The following CFAP299 variants were observed in gnomAD, a reference collection of about 807,000 sequenced individuals.
CFAP299 encodes the protein cilia- and flagella-associated protein 299.
In CFAP299, 21 loss-of-function variants were observed where a neutral mutation model predicts 27.0. The ratio of observed to expected loss-of-function variants is 0.78; its 90% CI spans 0.55 to 1.12. The LOEUF (loss-of-function observed/expected upper bound fraction) is 1.12. Ranked by LOEUF, CFAP299 falls within the 50% of genes most tolerant of loss-of-function variation. The pLI is 0.00. For synonymous variants in CFAP299, 104 were observed against 98.1 expected, an observed-to-expected ratio of 1.06 and a Z score of -0.36; for missense variants, 310 against 276.6, an observed-to-expected ratio of 1.12 and a Z score of -0.86.
chr4:80,961,652 A>T (rs1201900660), intron 5 of CFAP299, among the ~76,000 whole-genome samples: 1 of 151,900 alleles, frequency 6.6e-6, no homozygotes, highest in Non-Finnish European at 1.5e-5. Context: ...GCATCTAGAC[A>T]CACAGACACA....
At chr4:80,955,577 A>C (rs1738025883) in intron 5 of CFAP299, among the ~76,000 whole-genome samples, 1 of 152,240 alleles carries the variant, frequency 6.6e-6, no homozygotes, top group Non-Finnish European at 1.5e-5. Flanking sequence ...GCAATGGTTA[A>C]ATAAATTATG....
rs574358963 is a variant in CFAP299 at position 80,596,720 on chromosome 4, C to T, written c.333+13537C>T. 9.9e-5 allele frequency among the ~76,000 whole-genome samples: 15 copies of T among 152,158 alleles called. No homozygotes were observed. In the South Asian group the frequency reaches 3.1e-3, roughly 32 times the overall value. On this transcript the variant is annotated intron_variant, in intron 3 of 5. Coordinates refer to ENST00000358105, the MANE Select transcript of CFAP299 (RefSeq NM_152770.3). ...AATAAGAAAAAGAACATTACTGATA[C>T]CAAATAAGCCTTACGTATGTCCATT...
rs1034983102 is a variant in CFAP299 at position 80,355,042 on chromosome 4, G to A, written c.112-7712G>A. ...ATATTCTTTTGGGCATATGTCCAGCGATGATATTTCTGGGACGAATGGTAT... is the reference window on the plus strand; with the variant it reads ...ATATTCTTTTGGGCATATGTCCAGCAATGATATTTCTGGGACGAATGGTAT... On this transcript the variant is annotated intron_variant, in intron 1 of 5. Coordinates refer to ENST00000358105, the MANE Select transcript of CFAP299 (RefSeq NM_152770.3). Among the ~76,000 whole-genome samples the A allele has an allele frequency of 7.2e-5, 11 of 152,186 alleles. 1 individual carries two copies. The South Asian group carries it at 1.2e-3, about 17-fold the overall frequency.
intron 3 of CFAP299, among the ~76,000 whole-genome samples, chr4:80,738,274 A>C (rs967262551): frequency 6.6e-6 from 1 of 152,142 alleles, no homozygotes; most frequent in Non-Finnish European, 1.5e-5. Context: ...GTAATGTCCA[A>C]TGTTTCTTTG....
rs548524992 is a variant in CFAP299 at position 80,688,587 on chromosome 4, TG to T, written c.333+105408del. 2.4e-3 allele frequency among the ~76,000 whole-genome samples: 366 copies of T among 152,002 alleles called. 1 individual carries two copies. Among genetic ancestry groups the T allele is most frequent in the African/African-American group, 8.4e-3 (348 of 41,422 alleles). ...ACAAAAGTAGATAAAACCACAAAGA[TG>T]GGGAAAAAACAGAGCAGAAAAACTG... is the stretch of plus-strand genomic sequence containing the variant. On this transcript the variant is annotated intron_variant, in intron 3 of 5. Coordinates refer to ENST00000358105, the MANE Select transcript of CFAP299 (RefSeq NM_152770.3).
intron 2 of CFAP299, among the ~76,000 whole-genome samples, chr4:80,555,529 A>T (rs563264003): frequency 6.6e-6 from 1 of 152,114 alleles, no homozygotes; most frequent in South Asian, 2.1e-4. Context: ...GTTTGGGAGG[A>T]GTTTCTCCTT....
intron 2 of CFAP299, among the ~76,000 whole-genome samples, chr4:80,523,485 TA>T (rs1365883062): frequency 6.6e-6 from 1 of 152,172 alleles, no homozygotes; most frequent in African/African-American, 2.4e-5. Context: ...AAGGGGTGCC[TA>T]GGTAACTGGG....
At chr4:80,794,868 A>T (rs1727762307) in intron 3 of CFAP299, among the ~76,000 whole-genome samples, 1 of 152,172 alleles carries the variant, frequency 6.6e-6, no homozygotes, top group African/African-American at 2.4e-5. Flanking sequence ...CACCCCAAGG[A>T]ATGGTGCCAT....
At chr4:80,914,765 A>G (rs1171201654) in intron 4 of CFAP299, among the ~76,000 whole-genome samples, 1 of 152,192 alleles carries the variant, frequency 6.6e-6, no homozygotes, top group Non-Finnish European at 1.5e-5. Flanking sequence ...TTATTAACAT[A>G]AAGTTGTTCA....
chr4:80,421,030 T>A (rs927028438), intron 2 of CFAP299, among the ~76,000 whole-genome samples: 3 of 152,184 alleles, frequency 2.0e-5, no homozygotes, highest in Admixed American at 2.0e-4. Context: ...TGCCAGGGTC[T>A]GGTTTGTTCT....
chr4:80,747,048 G>A (rs1441364308), intron 3 of CFAP299, among the ~76,000 whole-genome samples: 1 of 151,960 alleles, frequency 6.6e-6, no homozygotes, highest in Non-Finnish European at 1.5e-5. Context: ...TAGGCAAGGA[G>A]CCTAAAGGAA....
At chr4:80,546,878 T>C (rs1011995451) in intron 2 of CFAP299, among the ~76,000 whole-genome samples, 24 of 152,142 alleles carry the variant, frequency 1.6e-4, no homozygotes, top group African/African-American at 5.6e-4. Flanking sequence ...CTCGGCCTCA[T>C]GTGTTTCTTT....
chr4:80,865,820 C>CA (rs976009184), intron 3 of CFAP299, among the ~76,000 whole-genome samples: 106 of 142,804 alleles, frequency 7.4e-4, no homozygotes, highest in African/African-American at 2.7e-3. Context: ...ATGGCAAGGA[C>CA]AAAAAACCAA....
At chr4:80,395,585 A>T (rs1310827370) in intron 2 of CFAP299, among the ~76,000 whole-genome samples, 1 of 152,116 alleles carries the variant, frequency 6.6e-6, no homozygotes, top group African/African-American at 2.4e-5. Flanking sequence ...AAAAGTATTT[A>T]AAACATTGTT....
chr4:80,696,420 C>A (rs1048032525), intron 3 of CFAP299, among the ~76,000 whole-genome samples: 1 of 151,900 alleles, frequency 6.6e-6, no homozygotes, highest in Admixed American at 6.6e-5. Context: ...TAATTATAGT[C>A]TTTCTGCAGC....
At position 80,623,560 on chromosome 4, in the gene CFAP299, T is replaced by C. The variant is rs546752909; in HGVS notation, c.333+40377T>C. ...AGGAAACAAGATAAAGCTTTCACAGTATCTGGCTGTAGCACAATGCTAAGA... is the reference window on the plus strand; with the variant it reads ...AGGAAACAAGATAAAGCTTTCACAGCATCTGGCTGTAGCACAATGCTAAGA... On this transcript the variant is annotated intron_variant, in intron 3 of 5. Coordinates refer to ENST00000358105, the MANE Select transcript of CFAP299 (RefSeq NM_152770.3). Among the ~76,000 whole-genome samples, 6 of 152,258 alleles carry C rather than the reference T, an allele frequency of 3.9e-5. 1 individual carries two copies. The highest frequency in any genetic ancestry group is 1.4e-4 in the African/African-American group (6 of 41,552).
chr4:80,395,121 A>G (rs1429537042), intron 2 of CFAP299, among the ~76,000 whole-genome samples: 1 of 152,040 alleles, frequency 6.6e-6, no homozygotes, highest in East Asian at 1.9e-4. Context: ...TTTAATATAT[A>G]GATACTAATA....
rs561129903 is a variant in CFAP299 at position 80,870,101 on chromosome 4, A to G, written c.442A>G (p.Lys148Glu). The part of the protein sequence containing the change: ...TEDFEVYFTG[K>E]KRLLPRPTDI... ...AGATTTTGAAGTCTACTTTACTGGA[A>G]AAAAAAGACTTCTTCCAAGGCCTAC... Residue 148 changes from lysine (K) to glutamate (E), a missense_variant, in exon 4 of 6, where the codon AAA (lysine) becomes GAA (glutamate). Lys to Glu is a moderately conservative substitution (Grantham distance 56, BLOSUM62 1). Coordinates refer to ENST00000358105, the MANE Select transcript of CFAP299 (RefSeq NM_152770.3). 2 of 1,613,256 alleles carry G rather than the reference A, an allele frequency of 1.2e-6. No homozygotes were observed. Among genetic ancestry groups the G allele is most frequent in the South Asian group, 1.1e-5 (1 of 90,950 alleles).
chr4:80,597,331 C>G (rs553500358), intron 3 of CFAP299, among the ~76,000 whole-genome samples: 2 of 152,230 alleles, frequency 1.3e-5, no homozygotes, highest in South Asian at 4.1e-4. Flanking sequence ...TGAGGGTCAT[C>G]CATGTGTTTA....
Sources: gnomAD v4.1 joint callset for allele counts (sites outside exome capture counted in the v4.1 genomes callset) on GRCh38, gnomAD v4.1.1 for gene constraint, MANE v1.5 for transcripts, NCBI Gene and HGNC (gene_info 2026-07-23, HGNC 2026-07-21) for gene names.